YIPF5: variants seen among roughly 807,000 people sequenced by gnomAD.
YIPF5 encodes Yip1 domain family member 5, also known as protein YIPF5.
A neutral mutation model predicts 30.4 loss-of-function variants in YIPF5; 8 were observed. The ratio of observed to expected loss-of-function variants is 0.26; its 90% CI spans 0.15 to 0.47. The LOEUF is 0.47. Among genes scored for constraint, YIPF5 ranks in the 20% least tolerant of loss-of-function variants. YIPF5 has a pLI of 0.99. For missense variants in YIPF5, 282 were observed against 301.8 expected, an observed-to-expected ratio of 0.93 and a Z score of 0.49; for synonymous variants, 104 against 107.9, an observed-to-expected ratio of 0.96 and a Z score of 0.23.
At position 144,162,304 on chromosome 5, in the gene YIPF5, A is replaced by C. The variant is rs1292414665; in HGVS notation, c.525T>G (p.Val175=). 6.2e-7 allele frequency: 1 copy of C among 1,613,996 alleles called. No homozygotes were observed. The highest frequency in any genetic ancestry group is 2.2e-5 in the East Asian group (1 of 44,870). Residue 175 remains valine, a synonymous_variant, in exon 5 of 6, where the codon GTT becomes GTG. Coordinates refer to ENST00000274496, the MANE Select transcript of YIPF5 (RefSeq NM_030799.9). ...CLLNLMSMTG[V]SFGCVASVLG... is the part of the protein sequence containing the mutation. ...GGACACTTGCCACACAACCAAATGAAACACCTGTCATACTCATTAAGTTTA... is the reference window on the plus strand; with the variant it reads ...GGACACTTGCCACACAACCAAATGACACACCTGTCATACTCATTAAGTTTA...
At position 144,158,919 on chromosome 5, in the gene YIPF5, A is replaced by C; in HGVS notation, c.*1478T>G. On this transcript the variant is annotated 3_prime_UTR_variant, in exon 6 of 6. Coordinates refer to ENST00000274496, the MANE Select transcript of YIPF5 (RefSeq NM_030799.9). Reference sequence around the variant, plus strand: ...ATTTAGTCTGAAAATCTCTTTAAAAAAAAAAAAAAGGCAGTATTTTCCTCC... The same window carrying C: ...ATTTAGTCTGAAAATCTCTTTAAAACAAAAAAAAAGGCAGTATTTTCCTCC... 1.0e-6 allele frequency: 1 copy of C among 985,364 alleles called. No homozygotes were observed. The highest frequency in any genetic ancestry group is 1.2e-6 in the Non-Finnish European group (1 of 830,044). 61.0% of individuals were successfully genotyped at this position (985,364 alleles called of 1,614,324 possible).
In YIPF5 at chr5:144,165,509, G is replaced by A; in HGVS notation, c.206C>T (p.Pro69Leu). ...QQPYTGQIYQ[P>L]TQAYTPASPQ... The stretch of plus-strand genomic sequence containing the variant: ...TGAAGCTGGAGTATATGCCTGAGTT[G>A]GCTGGTAAATCTGCCCGGTGTATGG... The change falls in exon 3 of 6, where the codon CCA becomes CTA. Residue 69 changes from proline to leucine, a missense_variant. Coordinates refer to ENST00000274496, the MANE Select transcript of YIPF5 (RefSeq NM_030799.9). 1 of 1,614,144 alleles carries A rather than the reference G, an allele frequency of 6.2e-7. No homozygotes were observed. Among genetic ancestry groups the A allele is most frequent in the Non-Finnish European group, 8.5e-7 (1 of 1,180,028 alleles).
intron 5 of YIPF5, 32 bp downstream of exon 5, chr5:144,162,186 A>C (rs369242433): frequency 3.7e-6 from 6 of 1,601,584 alleles, no homozygotes; most frequent in Non-Finnish European, 4.3e-6. Flanking sequence ...AGAATTGGTC[A>C]ATCAACCCCC....
chr5:144,164,729 A>G (rs1043143577), intron 3 of YIPF5, among the ~76,000 whole-genome samples: 1 of 152,016 alleles, frequency 6.6e-6, no homozygotes, highest in East Asian at 1.9e-4. Flanking sequence ...TGAGCTCTCT[A>G]TGCCAGTCTT....
chr5:144,163,272 T>A (rs528634498), intron 4 of YIPF5, among the ~76,000 whole-genome samples: 1 of 152,342 alleles, frequency 6.6e-6, no homozygotes, highest in East Asian at 1.9e-4. Flanking sequence ...TTTATTAGAT[T>A]ATTTGTAAAT....
At chr5:144,167,984 A>G (rs1405931854) in intron 2 of YIPF5, among the ~76,000 whole-genome samples, 1 of 152,186 alleles carries the variant, frequency 6.6e-6, no homozygotes, top group African/African-American at 2.4e-5. Context: ...TTTACAAAAT[A>G]AATCTCAGAA....
intron 5 of YIPF5, 86 bp downstream of exon 5, chr5:144,162,132 C>A: frequency 7.1e-7 from 1 of 1,410,316 alleles, no homozygotes. Context: ...TTTGCTGAAT[C>A]GGTGATTTAT....
At chr5:144,160,581 G>C (rs773579131) in intron 5 of YIPF5, 22 bp from the exon 6 acceptor site, 7 of 1,586,078 alleles carry the variant, frequency 4.4e-6, no homozygotes, top group African/African-American at 2.7e-5. Flanking sequence ...AAGGAAAAAG[G>C]GGGGAGAAGA....
chr5:144,160,421 G>T lies in YIPF5; in HGVS notation c.750C>A (p.Val250=). ...VAYPCALLYG[V]FALISVF ...TTCAAAAGACGGAAATCAGGGCAAA[G>T]ACTCCATATAACAAAGCGCAAGGAT... Residue 250 remains valine (V), a synonymous_variant, in exon 6 of 6, where the codon GTC becomes GTA. Coordinates refer to ENST00000274496, the MANE Select transcript of YIPF5 (RefSeq NM_030799.9). 1 of 1,613,774 alleles carries T rather than the reference G, an allele frequency of 6.2e-7. No individual in the cohort carries two copies. The highest frequency in any genetic ancestry group is 8.5e-7 in the Non-Finnish European group (1 of 1,179,812).
At chr5:144,163,049 A>G (rs1752093911) in intron 4 of YIPF5, among the ~76,000 whole-genome samples, 1 of 152,212 alleles carries the variant, frequency 6.6e-6, no homozygotes, top group African/African-American at 2.4e-5. Flanking sequence ...AAAGACAACA[A>G]TAAACAGTTT....
Position 144,169,908 on chromosome 5 carries a change from G to GT in YIPF5, c.47dup (p.Tyr16Ter). ...NLNTDFYQTS[Y>*]SIDDQSQQSY... ...ACTGCTGTGACTGATCATCGATGCT[G>GT]TAACTTGTCTGGTAGAAATCCGTGT... is the stretch of plus-strand genomic sequence containing the variant. Residue 16 changes from tyrosine to a stop codon, truncating the protein, a stop_gained and frameshift_variant, in exon 2 of 6, where the codon TAC (tyrosine) becomes TAAC (stop). Coordinates refer to ENST00000274496, the MANE Select transcript of YIPF5 (RefSeq NM_030799.9). LOFTEE classifies it high-confidence loss of function. 1 of 1,614,200 alleles carries GT rather than the reference G, an allele frequency of 6.2e-7. No individual in the cohort carries two copies. The highest frequency in any genetic ancestry group is 8.5e-7 in the Non-Finnish European group (1 of 1,180,040).
In YIPF5 at chr5:144,160,173, T is replaced by C; in HGVS notation, c.*224A>G. 7.9e-7 allele frequency: 1 copy of C among 1,270,592 alleles called. No individual in the cohort carries two copies. Among genetic ancestry groups the C allele is most frequent in the Non-Finnish European group, 9.9e-7 (1 of 1,010,020 alleles). 78.7% of individuals were successfully genotyped at this position (1,270,592 alleles called of 1,614,324 possible). A position where few individuals can be genotyped will look rare whatever the true frequency, so the allele number is the denominator to read the frequency against. ...AGAAAGAAATAGCATTTCTTATCTGTATAAACACAAACATTTAAAGCTAGT... is the reference window on the plus strand; with the variant it reads ...AGAAAGAAATAGCATTTCTTATCTGCATAAACACAAACATTTAAAGCTAGT... On this transcript the variant is annotated 3_prime_UTR_variant, in exon 6 of 6. Coordinates refer to ENST00000274496, the MANE Select transcript of YIPF5 (RefSeq NM_030799.9).
In YIPF5 at chr5:144,168,255, A is replaced by T. The variant is rs566951410; in HGVS notation, c.110+1591T>A. Among the ~76,000 whole-genome samples, 153 of 152,300 alleles carry T rather than the reference A, an allele frequency of 1.0e-3. 4 individuals are homozygous for T. In the South Asian group the frequency reaches 0.031, roughly 31 times the overall value. On this transcript the variant is annotated intron_variant, in intron 2 of 5. Coordinates refer to ENST00000274496, the MANE Select transcript of YIPF5 (RefSeq NM_030799.9). Reference sequence around the variant, plus strand: ...TGAAATGACTGTTAAAGGGAATGAGACTGTAAGTCACACCTTTTAAGTGAT... The same window carrying T: ...TGAAATGACTGTTAAAGGGAATGAGTCTGTAAGTCACACCTTTTAAGTGAT...
At chr5:144,164,693 G>A (rs1030412516) in intron 3 of YIPF5, among the ~76,000 whole-genome samples, 9 of 151,642 alleles carry the variant, frequency 5.9e-5, no homozygotes, top group African/African-American at 1.9e-4. Flanking sequence ...GAGACATCGT[G>A]CCTGGCCTGG....
At position 144,159,411 on chromosome 5, in the gene YIPF5, A is replaced by T. The variant is rs1017237986; in HGVS notation, c.*986T>A. The T allele has an allele frequency of 1.0e-6, 1 of 985,322 alleles. No homozygotes were observed. Among genetic ancestry groups the T allele is most frequent in the Admixed American group, 6.1e-5 (1 of 16,268 alleles). 61.0% of individuals were successfully genotyped at this position (985,322 alleles called of 1,614,324 possible). A position where few individuals can be genotyped will look rare whatever the true frequency, so the allele number is the denominator to read the frequency against. On this transcript the variant is annotated 3_prime_UTR_variant, in exon 6 of 6. Coordinates refer to ENST00000274496, the MANE Select transcript of YIPF5 (RefSeq NM_030799.9). ...TATTTTTGGGAAATGTGGCGATCCA[A>T]CGATTATAGCATTAATGCAACCATT...
At chr5:144,162,527 C>T (rs534420286) in intron 4 of YIPF5, 128 bp from the exon 5 acceptor site, 10 of 821,122 alleles carry the variant, frequency 1.2e-5, no homozygotes, top group East Asian at 5.5e-5. Context: ...CTATTCTTTA[C>T]GTAGAGAAGT....
intron 2 of YIPF5, among the ~76,000 whole-genome samples, chr5:144,169,518 C>G (rs1455903825): frequency 1.3e-5 from 2 of 152,232 alleles, no homozygotes; most frequent in African/African-American, 4.8e-5. Context: ...GTCCTATGAA[C>G]TAACAGCCTA....
chr5:144,161,500 C>T (rs1019460784), intron 5 of YIPF5, among the ~76,000 whole-genome samples: 3 of 151,874 alleles, frequency 2.0e-5, no homozygotes, highest in African/African-American at 4.8e-5. Context: ...GCATGTGCTA[C>T]CATGCCCGGC....
At position 144,160,113 on chromosome 5, in the gene YIPF5, G is replaced by T; in HGVS notation, c.*284C>A. The T allele has an allele frequency of 3.5e-5, 38 of 1,073,130 alleles. No homozygotes were observed. Among genetic ancestry groups the T allele is most frequent in the East Asian group, 1.8e-4 (3 of 16,246 alleles). The allele number at this position is 1,073,130 out of a possible 1,614,324, so 66.5% of individuals were successfully genotyped here. On this transcript the variant is annotated 3_prime_UTR_variant, in exon 6 of 6. Coordinates refer to ENST00000274496, the MANE Select transcript of YIPF5 (RefSeq NM_030799.9). ...AAATCTATCAAAAACATTATAATTT[G>T]CAAGGAAAAAGGTTTTTCAATGGCT...
Sources: allele counts gnomAD v4.1 joint callset (sites outside exome capture counted in the v4.1 genomes callset), GRCh38; gene constraint gnomAD v4.1.1; transcripts MANE v1.5; gene names NCBI Gene and HGNC (gene_info 2026-07-23, HGNC 2026-07-21).